Variants in AIFM3 observed in about 807,000 individuals in gnomAD.
AIFM3 encodes apoptosis-inducing factor 3.
Under a neutral mutation model 82.7 loss-of-function variants are expected in AIFM3, and 71 were observed. The observed-to-expected ratio is 0.86, with a 90% confidence interval of 0.71 to 1.05. The LOEUF (loss-of-function observed/expected upper bound fraction) is 1.05, where lower values mean the gene tolerates loss of function less well. Among genes scored for constraint, AIFM3 ranks in the 50% least tolerant of loss-of-function variants. The probability of loss-of-function intolerance (pLI) is 0.00; values close to 1 mark genes in which losing one functional copy is unlikely to be tolerated. For missense variants in AIFM3, 748 were observed against 816.7 expected (o/e 0.92, Z 1.03); for synonymous variants, 337 against 329.1 (o/e 1.02, Z -0.26).
chr22:20,976,108 C>A, intron 9 of AIFM3, 107 bp from the exon 10 acceptor site: 1 of 1,251,530 alleles, frequency 8.0e-7, no homozygotes, highest in Non-Finnish European at 1.1e-6. Flanking sequence ...TTAATGGGAG[C>A]TTCTCAGAGG....
Position 20,977,427 on chromosome 22 carries a change from C to G in AIFM3, c.1283-273C>G, listed in dbSNP as rs901174123. 1.4e-4 allele frequency: 84 copies of G among 602,314 alleles called. No homozygotes were observed. In the Admixed American group the frequency reaches 2.0e-3, roughly 14 times the overall value. The allele number at this position is 602,314 out of a possible 1,614,324, so 37.3% of individuals were successfully genotyped here. ...TAGGGGCCAAGATGGGAGGTGGTAGCACCTGCAGGGGCTGAGGAGGTATGG... is the reference window on the plus strand; with the variant it reads ...TAGGGGCCAAGATGGGAGGTGGTAGGACCTGCAGGGGCTGAGGAGGTATGG... On this transcript the variant is annotated intron_variant, in intron 14 of 20. Coordinates refer to ENST00000440238, the MANE Select transcript of AIFM3 (RefSeq NM_001386814.1).
chr22:20,976,121 G>A lies in AIFM3; in HGVS notation c.808-94G>A, dbSNP rs1923633167. The A allele has an allele frequency of 2.2e-6, 3 of 1,377,520 alleles. No homozygotes were observed. In the South Asian group the frequency reaches 3.7e-5, roughly 17 times the overall value. The allele number at this position is 1,377,520 out of a possible 1,614,324, so 85.3% of individuals were successfully genotyped here. On this transcript the variant is annotated intron_variant, in intron 9 of 20. Coordinates refer to ENST00000440238, the MANE Select transcript of AIFM3 (RefSeq NM_001386814.1). ...TTTTAATGGGAGCTTCTCAGAGGCT[G>A]TGGCTGGGCTGTGGGTGTACTGCAG...
At position 20,976,722 on chromosome 22, in the gene AIFM3, T is replaced by C; in HGVS notation, c.1102T>C (p.Phe368Leu). The C allele has an allele frequency of 1.2e-6, 2 of 1,609,760 alleles. No individual in the cohort carries two copies. The highest frequency in any genetic ancestry group is 8.5e-7 in the Non-Finnish European group (1 of 1,177,968). The change falls in exon 12 of 21, where the codon TTC (phenylalanine) becomes CTC (leucine). Residue 368 changes from phenylalanine (F) to leucine (L), a missense_variant. Transcript: ENST00000440238. ...VSVVELEETP[F>L]RRFLGERVGR... is the part of the protein sequence containing the mutation. ...TGTGGTGGAGCTGGAGGAGACGCCC[T>C]TCAGGAGGTTCCTGGGGGAGCGCGT...
chr22:20,977,500 G>T, intron 14 of AIFM3, 200 bp from the exon 15 acceptor site: 1 of 640,368 alleles, frequency 1.6e-6, no homozygotes. Flanking sequence ...TCTTGGAGAA[G>T]GTGATATCTG....
chr22:20,979,421 G>A, intron 17 of AIFM3, 52 bp downstream of exon 17: 1 of 1,505,992 alleles, frequency 6.6e-7, no homozygotes, highest in Middle Eastern at 2.3e-4. Flanking sequence ...TAGGGGCGGG[G>A]CTTGGGTGTG....
intron 9 of AIFM3, 26 bp from the exon 10 acceptor site, chr22:20,976,189 C>T (rs1047490293): frequency 1.0e-5 from 16 of 1,607,558 alleles, no homozygotes; most frequent in African/African-American, 2.7e-5. Flanking sequence ...TGCCCAAGCT[C>T]ATGCTCTGCC....
In AIFM3 at chr22:20,976,284, C is replaced by A. The variant is rs756384777; in HGVS notation, c.877C>A (p.Leu293Met). ...KDGFKLEYSK[L>M]LLAPGSSPKT... is the part of the protein sequence containing the mutation. The stretch of plus-strand genomic sequence containing the variant: ...TGGCTTCAAGCTGGAGTACAGCAAG[C>A]TGCTGCTGGCACCAGGGAGCAGGTG... Residue 293 changes from leucine (L) to methionine (M), a missense_variant, in exon 10 of 21, where the codon CTG becomes ATG. Transcript: ENST00000440238. The A allele has an allele frequency of 6.2e-7, 1 of 1,614,010 alleles. No individual in the cohort carries two copies. The highest frequency in any genetic ancestry group is 8.5e-7 in the Non-Finnish European group (1 of 1,180,016).
At position 20,973,426 on chromosome 22, in the gene AIFM3, A is replaced by C. The variant is rs753362705; in HGVS notation, c.151A>C (p.Thr51Pro). 21 of 1,613,034 alleles carry C rather than the reference A, an allele frequency of 1.3e-5. No individual in the cohort carries two copies. In the East Asian group the frequency reaches 4.0e-4, roughly 31 times the overall value. ...QGNGTARHFH[T>P]EERLSTPHPY... is the part of the protein sequence containing the mutation. The stretch of plus-strand genomic sequence containing the variant: ...CAATGGCACGGCCCGCCACTTCCAC[A>C]CGGAGGAGCGCCTGTCCACCCCTCA... The change falls in exon 3 of 21, where the codon ACG (threonine) becomes CCG (proline). Residue 51 changes from threonine to proline, a missense_variant. Transcript: ENST00000440238.
chr22:20,979,825 C>A, intron 18 of AIFM3, 123 bp downstream of exon 18: 1 of 1,328,126 alleles, frequency 7.5e-7, no homozygotes, highest in Non-Finnish European at 1.1e-6. Flanking sequence ...AGTGCTGGAG[C>A]TTCCTTAGGA....
intron 14 of AIFM3, 169 bp downstream of exon 14, chr22:20,977,264 T>A: frequency 1.0e-6 from 1 of 972,388 alleles, no homozygotes; most frequent in Non-Finnish European, 1.5e-6. Context: ...GGAAGGTATG[T>A]ACTGGGCTCA....
chr22:20,975,836 G>C, intron 9 of AIFM3, 58 bp downstream of exon 9: 1 of 1,581,382 alleles, frequency 6.3e-7, no homozygotes, highest in Non-Finnish European at 8.6e-7. Context: ...CCGTGAGGTT[G>C]TGTGGGCCCC....
rs200537959 is a variant in AIFM3 at position 20,980,995 on chromosome 22, T to G, written c.1782T>G (p.Thr594=). The G allele has an allele frequency of 6.2e-7, 1 of 1,614,182 alleles. No homozygotes were observed. Among genetic ancestry groups the G allele is most frequent in the Non-Finnish European group, 8.5e-7 (1 of 1,180,018 alleles). ...CCTCCTCCCCTCACTCCTGCAGGAC[T>G]GGCGACATGTCCTGGCTTACGGGGA... ...EVELFVLHSK[T]GDMSWLTGKG... is the part of the protein sequence containing the mutation. The change falls in exon 21 of 21, where the codon ACT becomes ACG. Residue 594 remains threonine, a synonymous_variant. Coordinates refer to ENST00000440238, the MANE Select transcript of AIFM3 (RefSeq NM_001386814.1).
In AIFM3 at chr22:20,977,710, C is replaced by T. The variant is rs759592038; in HGVS notation, c.1293C>T (p.Pro431=). ...DVCVVGIGAV[P]ATGFLRQSGI... is the part of the protein sequence containing the mutation. The stretch of plus-strand genomic sequence containing the variant: ...CTTCCGTCCTGTCAGGTGCAGTGCC[C>T]GCCACAGGCTTCCTGAGGCAAAGCG... Residue 431 remains proline, a synonymous_variant, in exon 15 of 21, where the codon CCC becomes CCT. Coordinates refer to ENST00000440238, the MANE Select transcript of AIFM3 (RefSeq NM_001386814.1). 3.1e-5 allele frequency: 50 copies of T among 1,614,012 alleles called. 1 individual carries two copies. The highest frequency in any genetic ancestry group is 1.2e-4 in the Admixed American group (7 of 59,992).
intron 14 of AIFM3, 142 bp downstream of exon 14, chr22:20,977,237 C>A: frequency 8.6e-7 from 1 of 1,169,120 alleles, no homozygotes; most frequent in Admixed American, 2.0e-5. Flanking sequence ...ACCGCCCCCA[C>A]TTTACGGAGC....
At chr22:20,977,672 G>T in intron 14 of AIFM3, 28 bp from the exon 15 acceptor site, 1 of 1,613,636 alleles carries the variant, frequency 6.2e-7, no homozygotes, top group Non-Finnish European at 8.5e-7. Flanking sequence ...AGGGACAGGG[G>T]AGTGGACACA....
intron 2 of AIFM3, among the ~76,000 whole-genome samples, chr22:20,969,338 G>T (rs1307926242): frequency 6.6e-6 from 1 of 152,180 alleles, no homozygotes; most frequent in Admixed American, 6.5e-5. Flanking sequence ...TGTGGCCTTG[G>T]GCAGGTGATT....
chr22:20,978,481 T>C (rs1242072987), intron 16 of AIFM3, among the ~76,000 whole-genome samples: 1 of 152,036 alleles, frequency 6.6e-6, no homozygotes, highest in African/African-American at 2.4e-5. Flanking sequence ...CCCCTCCTGA[T>C]GTTTGCTGGC....
chr22:20,974,652 G>A (rs1359188481), intron 7 of AIFM3, 31 bp downstream of exon 7: 4 of 1,613,316 alleles, frequency 2.5e-6, no homozygotes, highest in East Asian at 2.2e-5. Flanking sequence ...GGGCAGGGTG[G>A]GAGATGGGAT....
chr22:20,977,736 G>A lies in AIFM3; in HGVS notation c.1319G>A (p.Gly440Asp), dbSNP rs1465785729. 6.2e-7 allele frequency: 1 copy of A among 1,614,162 alleles called. No homozygotes were observed. The highest frequency in any genetic ancestry group is 8.5e-7 in the Non-Finnish European group (1 of 1,180,034). The change falls in exon 15 of 21, where the codon GGC becomes GAC. Residue 440 changes from glycine (G) to aspartate (D), a missense_variant. Gly to Asp is a moderately conservative substitution (Grantham distance 94, BLOSUM62 -1). Coordinates refer to ENST00000440238, the MANE Select transcript of AIFM3 (RefSeq NM_001386814.1). ...VPATGFLRQS[G>D]IGLDSRGFIP... ...GCCACAGGCTTCCTGAGGCAAAGCG[G>A]CATCGGTTTGGATTCCCGAGGCTTC...
Sources: gnomAD v4.1 joint callset for allele counts (sites outside exome capture counted in the v4.1 genomes callset) on GRCh38, gnomAD v4.1.1 for gene constraint, MANE v1.5 for transcripts, NCBI Gene and HGNC (gene_info 2026-07-23, HGNC 2026-07-21) for gene names.